The following CFAP97 variants were observed in gnomAD, a reference collection of about 807,000 sequenced individuals.
CFAP97 encodes the protein cilia and flagella associated protein 97, also known as cilia- and flagella-associated protein 97.
In CFAP97, 36 loss-of-function variants were observed where a neutral mutation model predicts 43.1. That is an observed-to-expected ratio of 0.84 (90% CI 0.64 to 1.10). CFAP97 has a LOEUF of 1.10. Among genes scored for constraint, CFAP97 ranks in the 50% least tolerant of loss-of-function variants. CFAP97 has a pLI of 0.00. For missense variants in CFAP97, 657 were observed against 620.3 expected (o/e 1.06, Z -0.63); for synonymous variants, 228 against 225.7 (o/e 1.01, Z -0.09).
In CFAP97 at chr4:185,163,949, T is replaced by C. The variant is rs1051336291; in HGVS notation, c.1471+80A>G. 4 of 1,322,068 alleles carry C rather than the reference T, an allele frequency of 3.0e-6. No homozygotes were observed. The African/African-American group carries it at 4.4e-5, about 15-fold the overall frequency. The allele number at this position is 1,322,068 out of a possible 1,614,324, so 81.9% of individuals were successfully genotyped here. A position where few individuals can be genotyped will look rare whatever the true frequency, so the allele number is the denominator to read the frequency against. ...ATTCCAGAGTTGGCATTTAAAACTC[T>C]ATCATAATAACATGTTACGTTTTTT... is the stretch of plus-strand genomic sequence containing the variant. On this transcript the variant is annotated intron_variant, in intron 4 of 4. Transcript: ENST00000458385.
At chr4:185,177,572 C>G (rs1341319718) in intron 2 of CFAP97, among the ~76,000 whole-genome samples, 2 of 151,980 alleles carry the variant, frequency 1.3e-5, no homozygotes, top group Admixed American at 1.3e-4. Context: ...CAGTGGCTCA[C>G]AGCTGTAATC....
At chr4:185,202,633 G>A (rs138167015) in intron 1 of CFAP97, among the ~76,000 whole-genome samples, 92 of 152,106 alleles carry the variant, frequency 6.0e-4, no homozygotes, top group Non-Finnish European at 1.1e-3. Flanking sequence ...CCCTCCGGAA[G>A]CACAAACCAC....
intron 1 of CFAP97, among the ~76,000 whole-genome samples, chr4:185,201,431 A>G (rs1014939101): frequency 6.6e-6 from 1 of 152,134 alleles, no homozygotes; most frequent in South Asian, 2.1e-4. Flanking sequence ...AGCAAAGTTA[A>G]TCATTGTCTT....
upstream of CFAP97, chr4:185,209,542 C>A: frequency 5.4e-6 from 1 of 186,248 alleles, no homozygotes; most frequent in Non-Finnish European, 1.0e-5. The surrounding 1 kb of genome is among the most constrained non-coding windows in gnomAD (Gnocchi z 5.2). Flanking sequence ...CCGGGCCCCG[C>A]CCGACACGCA....
chr4:185,193,756 T>C (rs1478648917), intron 1 of CFAP97, among the ~76,000 whole-genome samples: 1 of 152,144 alleles, frequency 6.6e-6, no homozygotes, highest in African/African-American at 2.4e-5. Context: ...ATGTAATCTG[T>C]ATCCTAAACC....
chr4:185,164,264 A>C, intron 3 of CFAP97, 85 bp from the exon 4 acceptor site: 4 of 1,280,106 alleles, frequency 3.1e-6, no homozygotes, highest in Non-Finnish European at 3.2e-6. Context: ...CCTGACATTC[A>C]CTTTCTTTCT....
intron 2 of CFAP97, among the ~76,000 whole-genome samples, chr4:185,188,742 T>C (rs1251167927): frequency 1.3e-5 from 2 of 152,134 alleles, no homozygotes; most frequent in Non-Finnish European, 2.9e-5. Flanking sequence ...TTAGTTCTTA[T>C]GGGAGGAATT....
At chr4:185,175,280 T>C (rs1204646512) in intron 3 of CFAP97, among the ~76,000 whole-genome samples, 1 of 152,078 alleles carries the variant, frequency 6.6e-6, no homozygotes, top group African/African-American at 2.4e-5. Context: ...CTCTTTTCTT[T>C]TTTTGAGGTG....
At chr4:185,163,936 G>A in intron 4 of CFAP97, 93 bp downstream of exon 4, 2 of 1,105,232 alleles carry the variant, frequency 1.8e-6, no homozygotes, top group African/African-American at 1.6e-5. Context: ...TCCAGAGTTG[G>A]CATTTAAAAC....
At chr4:185,173,844 C>T (rs111414357) in intron 3 of CFAP97, among the ~76,000 whole-genome samples, 1 of 152,068 alleles carries the variant, frequency 6.6e-6, no homozygotes, top group Non-Finnish European at 1.5e-5. Flanking sequence ...ATGCTTAATG[C>T]CACTGAATTA....
At chr4:185,207,180 C>A (rs1306735692), upstream of CFAP97, among the ~76,000 whole-genome samples, 1 of 143,722 alleles carries the variant, frequency 7.0e-6, no homozygotes, top group Non-Finnish European at 1.5e-5. Context: ...CCAATCCAGT[C>A]AAATTGACAC....
chr4:185,175,248 C>CTG (rs991743698), intron 3 of CFAP97, among the ~76,000 whole-genome samples: 1 of 151,526 alleles, frequency 6.6e-6, no homozygotes, highest in Admixed American at 6.6e-5. Context: ...TTCTCTCTCT[C>CTG]TCTCTCTCTC....
In CFAP97 at chr4:185,160,538, C is replaced by A. The variant is rs1734839939; in HGVS notation, c.*2260G>T. 1 of 152,026 alleles carries A rather than the reference C, an allele frequency of 6.6e-6. No individual in the cohort carries two copies. The highest frequency in any genetic ancestry group is 6.6e-5 in the Admixed American group (1 of 15,254). The allele number at this position is 152,026 out of a possible 1,614,324, so 9.4% of individuals were successfully genotyped here. A position where few individuals can be genotyped will look rare whatever the true frequency, so the allele number is the denominator to read the frequency against. On this transcript the variant is annotated 3_prime_UTR_variant, in exon 5 of 5. Coordinates refer to ENST00000458385, the MANE Select transcript of CFAP97 (RefSeq NM_020827.3). ...ACCACATTTTCCAAGTCCTATTTGT[C>A]TATTTATATTCATTATATATAAGTA...
Position 185,164,119 on chromosome 4 carries a change from G to A in CFAP97, c.1381C>T (p.Leu461=). Residue 461 remains leucine (L), a synonymous_variant, in exon 4 of 5, where the codon CTG becomes TTG. Transcript: ENST00000458385. ...PTVGMKRSEQ[L]MDYHRNMGYL... The stretch of plus-strand genomic sequence containing the variant: ...CCCATATTGCGATGATAGTCCATCA[G>A]TTGTTCTGAACGTTTCATACCAACT... The A allele has an allele frequency of 6.2e-7, 1 of 1,613,932 alleles. No homozygotes were observed. The highest frequency in any genetic ancestry group is 2.2e-5 in the East Asian group (1 of 44,886).
At chr4:185,180,270 A>G (rs1735730365) in intron 2 of CFAP97, among the ~76,000 whole-genome samples, 1 of 152,182 alleles carries the variant, frequency 6.6e-6, no homozygotes, top group Admixed American at 6.5e-5. Context: ...GTGGCAAAAT[A>G]CACGGAACAC....
At chr4:185,201,683 T>C (rs1459173067) in intron 1 of CFAP97, among the ~76,000 whole-genome samples, 3 of 152,244 alleles carry the variant, frequency 2.0e-5, no homozygotes, top group Non-Finnish European at 2.9e-5. Context: ...ATAACTTTTA[T>C]ATGCACTGGG....
At chr4:185,174,393 T>C (rs776147515) in intron 3 of CFAP97, among the ~76,000 whole-genome samples, 1 of 152,210 alleles carries the variant, frequency 6.6e-6, no homozygotes, top group African/African-American at 2.4e-5. Context: ...CCTTGCCACA[T>C]GCAGGGTAAT....
chr4:185,177,361 C>T (rs921858623), intron 2 of CFAP97, among the ~76,000 whole-genome samples: 5 of 148,278 alleles, frequency 3.4e-5, no homozygotes, highest in African/African-American at 7.5e-5. Flanking sequence ...TGCAGTGAGC[C>T]GAGATTGCGC....
rs143993981 is a variant in CFAP97 at position 185,201,362 on chromosome 4, T to C, written c.-17+2536A>G. 4.2e-3 allele frequency among the ~76,000 whole-genome samples: 609 copies of C among 146,600 alleles called. 2 individuals are homozygous for C. The highest frequency in any genetic ancestry group is 0.014 in the African/African-American group (572 of 39,786). ...AAAAAAAGTTCTACTCTGGATAAAA[T>C]GCTGTCAAGCAGCATCACAAGCTAC... is the stretch of plus-strand genomic sequence containing the variant. On this transcript the variant is annotated intron_variant, in intron 1 of 4. Coordinates refer to ENST00000458385, the MANE Select transcript of CFAP97 (RefSeq NM_020827.3).
Sources: allele counts gnomAD v4.1 joint callset (sites outside exome capture counted in the v4.1 genomes callset), GRCh38; gene constraint gnomAD v4.1.1; non-coding constraint Gnocchi (gnomAD v3.1); transcripts MANE v1.5; gene names NCBI Gene and HGNC (gene_info 2026-07-23, HGNC 2026-07-21).